The following BRD1 variants were observed in gnomAD, a reference collection of about 807,000 sequenced individuals.
BRD1 encodes the protein bromodomain-containing protein 1.
A neutral mutation model predicts 107.7 loss-of-function variants in BRD1; 24 were observed. The ratio of observed to expected loss-of-function variants is 0.22; its 90% confidence interval spans 0.16 to 0.31. BRD1 has a LOEUF of 0.31. Among genes scored for constraint, BRD1 ranks in the 10% least tolerant of loss-of-function variants. BRD1 has a pLI of 1.00. For synonymous variants in BRD1, 744 were observed against 686.1 expected (o/e 1.08, Z -1.32); for missense variants, 1,279 against 1,638.6 (o/e 0.78, Z 3.79).
chr22:49,774,167 G>C lies in BRD1; in HGVS notation c.*66C>G. The C allele has an allele frequency of 6.8e-7, 1 of 1,479,746 alleles. No individual in the cohort carries two copies. Among genetic ancestry groups the C allele is most frequent in the Non-Finnish European group, 9.0e-7 (1 of 1,109,212 alleles). 91.7% of individuals were successfully genotyped at this position (1,479,746 alleles called of 1,614,324 possible). On this transcript the variant is annotated 3_prime_UTR_variant, in exon 13 of 13. Transcript: ENST00000404760. ...TAAAAATCAGAATAAGTTAAGTTTTGAACAATATACAAACATGTACAGCTT... is the reference window on the plus strand; with the variant it reads ...TAAAAATCAGAATAAGTTAAGTTTTCAACAATATACAAACATGTACAGCTT...
At chr22:49,788,009 T>G in intron 7 of BRD1, 122 bp from the exon 8 acceptor site, 2 of 1,005,634 alleles carry the variant, frequency 2.0e-6, no homozygotes, top group Non-Finnish European at 2.8e-6. Flanking sequence ...AGGCATCGCA[T>G]GTACTGTCTG....
intron 6 of BRD1, among the ~76,000 whole-genome samples, chr22:49,796,262 G>GT (rs1473591616): frequency 1.3e-5 from 2 of 150,014 alleles, no homozygotes; most frequent in East Asian, 2.0e-4. Context: ...GGCTAATTTT[G>GT]TTTTTGTATT....
Position 49,823,413 on chromosome 22 carries a change from C to T in BRD1, c.905G>A (p.Gly302Asp). 1 of 1,612,756 alleles carries T rather than the reference C, an allele frequency of 6.2e-7. No individual in the cohort carries two copies. Among genetic ancestry groups the T allele is most frequent in the Non-Finnish European group, 8.5e-7 (1 of 1,180,006 alleles). Residue 302 changes from glycine to aspartate, a missense_variant, in exon 2 of 13, where the codon GGC becomes GAC. Coordinates refer to ENST00000404760, the MANE Select transcript of BRD1 (RefSeq NM_001304808.3). Reference sequence around the variant, plus strand: ...CTCGATGAACACCGTGTTGGCAAAGCCGACCTCTGGGATCCACAGGGCACA... The same window carrying T: ...CTCGATGAACACCGTGTTGGCAAAGTCGACCTCTGGGATCCACAGGGCACA... ...VVCALWIPEV[G>D]FANTVFIEPI...
intron 3 of BRD1, among the ~76,000 whole-genome samples, chr22:49,800,641 C>T (rs539982611): frequency 2.2e-4 from 33 of 152,340 alleles, no homozygotes; most frequent in Admixed American, 1.9e-3. Context: ...GTTTAACAAA[C>T]GCCATCGGCA....
chr22:49,797,102 CCA>C (rs1678795147), intron 6 of BRD1, among the ~76,000 whole-genome samples: 1 of 152,148 alleles, frequency 6.6e-6, no homozygotes, highest in African/African-American at 2.4e-5. Flanking sequence ...ACAGACAATC[CCA>C]GAGGTGCGAC....
At chr22:49,814,443 G>A (rs2059912190) in intron 2 of BRD1, among the ~76,000 whole-genome samples, 1 of 152,208 alleles carries the variant, frequency 6.6e-6, no homozygotes, top group South Asian at 2.1e-4. Flanking sequence ...CACCAAGGCT[G>A]GGGCACCACA....
intron 9 of BRD1, 68 bp from the exon 10 acceptor site, chr22:49,777,229 C>T (rs1223803450): frequency 1.1e-5 from 17 of 1,590,082 alleles, no homozygotes; most frequent in Non-Finnish European, 1.5e-5. Flanking sequence ...GGGCTTCGTC[C>T]CGTGAGCTGT....
chr22:49,774,544 G>T, intron 12 of BRD1, 128 bp from the exon 13 acceptor site: 1 of 1,055,350 alleles, frequency 9.5e-7, no homozygotes, highest in Non-Finnish European at 1.4e-6. Flanking sequence ...CACCAAGACA[G>T]CTGGGCCCCG....
intron 2 of BRD1, among the ~76,000 whole-genome samples, chr22:49,811,255 G>C (rs1369662115): frequency 6.6e-6 from 1 of 152,208 alleles, no homozygotes; most frequent in Non-Finnish European, 1.5e-5. Context: ...GGATGAGAAG[G>C]TGGGAAGTTG....
chr22:49,787,430 G>C lies in BRD1; in HGVS notation c.2817C>G (p.Ser939=). The change falls in exon 8 of 13, where the codon TCC becomes TCG. Residue 939 remains serine (S), a synonymous_variant. Coordinates refer to ENST00000404760, the MANE Select transcript of BRD1 (RefSeq NM_001304808.3). The part of the protein sequence containing the change: ...RKRSRSTCGD[S]EVEEESPGKR... ...TTCCTGGGGACTCCTCCTCCACCTCGGAGTCTCCGCATGTGCTCCGCGACC... is the reference window on the plus strand; with the variant it reads ...TTCCTGGGGACTCCTCCTCCACCTCCGAGTCTCCGCATGTGCTCCGCGACC... The C allele has an allele frequency of 1.2e-6, 2 of 1,613,374 alleles. No individual in the cohort carries two copies. Among genetic ancestry groups the C allele is most frequent in the Middle Eastern group, 1.7e-4 (1 of 6,060 alleles).
intron 6 of BRD1, among the ~76,000 whole-genome samples, chr22:49,796,711 G>A (rs1035282370): frequency 2.0e-5 from 3 of 152,188 alleles, no homozygotes; most frequent in Admixed American, 6.5e-5. Context: ...CACAGGTGCC[G>A]AGTGCTGCGG....
intron 6 of BRD1, 129 bp from the exon 7 acceptor site, chr22:49,794,423 C>T (rs1569106594): frequency 1.6e-6 from 2 of 1,236,514 alleles, no homozygotes; most frequent in East Asian, 4.8e-5. Flanking sequence ...GAGGCCCAGG[C>T]CCTGCTCACC....
chr22:49,822,959 G>A lies in BRD1; in HGVS notation c.1359C>T (p.Pro453=), dbSNP rs375719349. Residue 453 remains proline (P), a synonymous_variant, in exon 2 of 13, where the codon CCC becomes CCT. Transcript: ENST00000404760. ...VLPTVCAPYI[P]PQRLNRIANQ... ...TGCTTGGACACGCTTACCTCTGCGGGGGAATATAAGGAGCGCACACGGTCG... is the reference window on the plus strand; with the variant it reads ...TGCTTGGACACGCTTACCTCTGCGGAGGAATATAAGGAGCGCACACGGTCG... The A allele has an allele frequency of 3.1e-6, 5 of 1,613,856 alleles. No homozygotes were observed. The South Asian group carries it at 3.3e-5, about 11-fold the overall frequency.
At chr22:49,810,322 C>G (rs1212616340) in intron 2 of BRD1, among the ~76,000 whole-genome samples, 2 of 152,146 alleles carry the variant, frequency 1.3e-5, no homozygotes, top group Non-Finnish European at 2.9e-5. Flanking sequence ...AGTTTCAGAA[C>G]AGCCTGGGCA....
At chr22:49,794,665 C>T (rs74451599) in intron 6 of BRD1, among the ~76,000 whole-genome samples, 2,189 of 152,324 alleles carry the variant, frequency 0.014, 39 homozygotes, top group African/African-American at 0.049. Flanking sequence ...GGCGCACGCT[C>T]CACCAACCCA....
rs1284949333 is a variant in BRD1, at chr22:49,827,541, C to A, written c.-59G>T. On this transcript the variant is annotated 5_prime_UTR_variant, in exon 1 of 13. Coordinates refer to ENST00000404760, the MANE Select transcript of BRD1 (RefSeq NM_001304808.3). Reference sequence around the variant, plus strand: ...CGGGAGCCCGGCAAGCGGGCGGGCGCGGGGGCCGGCGCGGCCGAGGCGGTG... The same window carrying A: ...CGGGAGCCCGGCAAGCGGGCGGGCGAGGGGGCCGGCGCGGCCGAGGCGGTG... The A allele has an allele frequency of 6.9e-6, 1 of 144,470 alleles. No individual in the cohort carries two copies. The highest frequency in any genetic ancestry group is 2.0e-4 in the East Asian group (1 of 4,898). The allele number at this position is 144,470 out of a possible 1,614,324, so 8.9% of individuals were successfully genotyped here. A position where few individuals can be genotyped will look rare whatever the true frequency, so the allele number is the denominator to read the frequency against.
At position 49,792,718 on chromosome 22, in the gene BRD1, C is replaced by G. The variant is rs951874751; in HGVS notation, c.2359+1316G>C. On this transcript the variant is annotated intron_variant, in intron 7 of 12. Transcript: ENST00000404760. The surrounding 1 kb of genome is among the most constrained non-coding windows in gnomAD (Gnocchi z 4.2). ...AAGAATCCCAGAACAGAACAACAAACAGGCACAAAATGAGCAAAAGGATGC... is the reference window on the plus strand; with the variant it reads ...AAGAATCCCAGAACAGAACAACAAAGAGGCACAAAATGAGCAAAAGGATGC... Among the ~76,000 whole-genome samples, 30 of 152,198 alleles carry G rather than the reference C, an allele frequency of 2.0e-4. No homozygotes were observed. The highest frequency in any genetic ancestry group is 7.0e-4 in the African/African-American group (29 of 41,450).
chr22:49,801,130 G>A (rs2059632426), intron 3 of BRD1, among the ~76,000 whole-genome samples: 1 of 152,238 alleles, frequency 6.6e-6, no homozygotes, highest in Non-Finnish European at 1.5e-5. Flanking sequence ...GACAGACACT[G>A]GGAAAGCTGC....
At chr22:49,815,078 C>T (rs1162616267) in intron 2 of BRD1, among the ~76,000 whole-genome samples, 1 of 152,192 alleles carries the variant, frequency 6.6e-6, no homozygotes, top group Non-Finnish European at 1.5e-5. Context: ...TCATGGCCCA[C>T]GGCCCTGCTC....
Sources: allele counts gnomAD v4.1 joint callset (sites outside exome capture counted in the v4.1 genomes callset), GRCh38; gene constraint gnomAD v4.1.1; non-coding constraint Gnocchi (gnomAD v3.1); transcripts MANE v1.5; gene names NCBI Gene and HGNC (gene_info 2026-07-23, HGNC 2026-07-21).